NCOR1: variants seen among roughly 807,000 people sequenced by gnomAD.
NCOR1 encodes the protein nuclear receptor corepressor 1.
A neutral mutation model predicts 288.1 loss-of-function variants in NCOR1; 63 were observed. The observed-to-expected ratio is 0.22, with a 90% CI of 0.18 to 0.27. NCOR1 has a LOEUF of 0.27. Among genes scored for constraint, NCOR1 ranks in the 10% least tolerant of loss-of-function variants. NCOR1 has a pLI of 1.00. For synonymous variants in NCOR1, 1,007 were observed against 1,065.9 expected (o/e 0.94, Z 1.08); for missense variants, 2,397 against 3,019.2 (o/e 0.79, Z 4.83).
rs528024880 is a variant in NCOR1, at chr17:16,179,649, T to C, written c.242+6905A>G. ...AAACTTAACTCAAAGGCATTTAAGTTGATATCTAAGTCAAGGACATCACAA... is the reference window on the plus strand; with the variant it reads ...AAACTTAACTCAAAGGCATTTAAGTCGATATCTAAGTCAAGGACATCACAA... On this transcript the variant is annotated intron_variant, in intron 3 of 45. Coordinates refer to ENST00000268712, the MANE Select transcript of NCOR1 (RefSeq NM_006311.4). Among the ~76,000 whole-genome samples, 7 of 152,334 alleles carry C rather than the reference T, an allele frequency of 4.6e-5. No individual in the cohort carries two copies. In the East Asian group the frequency reaches 1.3e-3, roughly 29 times the overall value.
intron 1 of NCOR1, among the ~76,000 whole-genome samples, chr17:16,205,111 T>C (rs574345304): frequency 2.6e-5 from 4 of 151,750 alleles, no homozygotes; most frequent in Non-Finnish European, 4.4e-5. Context: ...TCCCAGCTAC[T>C]CAGGAGGCTA....
chr17:16,110,355 AAAAAAAC>A (rs1178258308), intron 18 of NCOR1, among the ~76,000 whole-genome samples: 1 of 152,082 alleles, frequency 6.6e-6, no homozygotes, highest in Non-Finnish European at 1.5e-5. Flanking sequence ...CTCGTTCAAA[AAAAAAAC>A]AAAAAACAAA....
chr17:16,076,537 G>A (rs1041403303), intron 26 of NCOR1, among the ~76,000 whole-genome samples: 7 of 152,116 alleles, frequency 4.6e-5, no homozygotes, highest in Non-Finnish European at 7.3e-5. Flanking sequence ...ACCATTCTAC[G>A]GTTGTTTGGC....
chr17:16,148,359 A>G (rs2078310597), intron 9 of NCOR1, among the ~76,000 whole-genome samples: 1 of 152,080 alleles, frequency 6.6e-6, no homozygotes, highest in Non-Finnish European at 1.5e-5. Context: ...TGTCCTCCTC[A>G]GTCATCCGTA....
chr17:16,199,352 C>T (rs2153577169), intron 1 of NCOR1, among the ~76,000 whole-genome samples: 1 of 152,208 alleles, frequency 6.6e-6, no homozygotes, highest in Admixed American at 6.6e-5. Context: ...CAACCTCCTT[C>T]CTCAAAACTT....
At chr17:16,181,200 C>A (rs1341624639) in intron 3 of NCOR1, among the ~76,000 whole-genome samples, 1 of 75,618 alleles carries the variant, frequency 1.3e-5, no homozygotes. Flanking sequence ...TGTGTGTATA[C>A]ATATATATGT....
At chr17:16,209,637 TAAA>T (rs34131313) in intron 1 of NCOR1, among the ~76,000 whole-genome samples, 1 of 142,406 alleles carries the variant, frequency 7.0e-6, no homozygotes. Context: ...CTTTTGGATG[TAAA>T]AAAAAAAAAA....
chr17:16,067,044 A>G (rs1054362070), intron 32 of NCOR1, among the ~76,000 whole-genome samples: 7 of 152,224 alleles, frequency 4.6e-5, no homozygotes, highest in Non-Finnish European at 1.0e-4. Context: ...GCACCCTGGG[A>G]GGACAAGGTG....
intron 28 of NCOR1, 91 bp from the exon 29 acceptor site, chr17:16,072,319 G>T (rs949160731): frequency 2.2e-5 from 21 of 938,654 alleles, no homozygotes; most frequent in Non-Finnish European, 3.2e-5. Context: ...CTATGTTTTT[G>T]ATAAATGCTC....
Position 16,092,675 on chromosome 17 carries a change from ATATATATATATATATATATATTTTTTT to A in NCOR1, c.2821-644_2821-618del, listed in dbSNP as rs1417215967. Among the ~76,000 whole-genome samples the A allele has an allele frequency of 1.7e-3, 31 of 18,210 alleles. 1 individual carries two copies. The South Asian group carries it at 0.035, about 20-fold the overall frequency. 11.9% of individuals were successfully genotyped at this position (18,210 alleles called of 152,430 possible). A position where few individuals can be genotyped will look rare whatever the true frequency, so the allele number is the denominator to read the frequency against. ...TATATATATATATATATATATATAT[ATATATATATATATATATATATTTTTTT>A]TTTTTTTTTTTTTTAAGACATAGTC... is the stretch of plus-strand genomic sequence containing the variant. On this transcript the variant is annotated intron_variant, in intron 21 of 45. Coordinates refer to ENST00000268712, the MANE Select transcript of NCOR1 (RefSeq NM_006311.4).
intron 40 of NCOR1, among the ~76,000 whole-genome samples, chr17:16,050,073 T>C (rs1040090516): frequency 2.0e-5 from 3 of 151,902 alleles, no homozygotes; most frequent in Non-Finnish European, 4.4e-5. Context: ...TTATTATATG[T>C]TTTATTATGT....
intron 21 of NCOR1, among the ~76,000 whole-genome samples, chr17:16,092,703 T>A (rs1406770650): frequency 1.1e-3 from 83 of 73,656 alleles, no homozygotes; most frequent in East Asian, 1.7e-3. Flanking sequence ...ATATTTTTTT[T>A]TTTTTTTTTT....
intron 42 of NCOR1, among the ~76,000 whole-genome samples, chr17:16,042,862 G>T (rs1049352590): frequency 6.6e-6 from 1 of 152,202 alleles, no homozygotes; most frequent in African/African-American, 2.4e-5. Context: ...GCAAAGATAT[G>T]TAAGTAGAGC....
intron 8 of NCOR1, among the ~76,000 whole-genome samples, chr17:16,151,160 C>T (rs979507298): frequency 2.6e-5 from 4 of 151,370 alleles, no homozygotes; most frequent in African/African-American, 4.8e-5. Context: ...ATTTTTGTCA[C>T]AAACTAAGAA....
chr17:16,094,707 GGC>G, intron 21 of NCOR1, among the ~76,000 whole-genome samples: 1 of 152,320 alleles, frequency 6.6e-6, no homozygotes, highest in African/African-American at 2.4e-5. Flanking sequence ...TGCGATTGCA[GGC>G]GCGCGCCGCC....
At position 16,070,548 on chromosome 17, in the gene NCOR1, T is replaced by G. The variant is rs1439904642; in HGVS notation, c.4153-23A>C. 1.9e-6 allele frequency: 3 copies of G among 1,602,300 alleles called. No homozygotes were observed. The Admixed American group carries it at 5.1e-5, about 27-fold the overall frequency. ...GCCCTAAAGGGAAAGAAACAAACAT[T>G]ACAGGTAGCAAAGTCATCTGGCTAC... On this transcript the variant is annotated intron_variant, in intron 30 of 45. Transcript: ENST00000268712.
chr17:16,048,713 A>G (rs563852250), intron 41 of NCOR1, 132 bp downstream of exon 41: 28 of 930,674 alleles, frequency 3.0e-5, no homozygotes, highest in African/African-American at 6.7e-5. Flanking sequence ...GAAAAGAGAC[A>G]AATGATCCTC....
At chr17:16,187,137 T>C (rs2086819916) in intron 2 of NCOR1, among the ~76,000 whole-genome samples, 1 of 152,032 alleles carries the variant, frequency 6.6e-6, no homozygotes, top group Non-Finnish European at 1.5e-5. Context: ...GTAGTAGTTT[T>C]TCCCATCAAA....
intron 10 of NCOR1, among the ~76,000 whole-genome samples, chr17:16,145,493 C>T (rs1409609356): frequency 7.0e-6 from 1 of 143,534 alleles, no homozygotes; most frequent in African/African-American, 2.5e-5. Flanking sequence ...ATGTGAGGAG[C>T]GCCTCTGCCC....
Sources: allele counts gnomAD v4.1 joint callset (sites outside exome capture counted in the v4.1 genomes callset), GRCh38; gene constraint gnomAD v4.1.1; transcripts MANE v1.5; gene names NCBI Gene and HGNC (gene_info 2026-07-23, HGNC 2026-07-21).